Variants in SYTL5 observed in about 807,000 individuals in gnomAD.
The protein encoded by SYTL5 is synaptotagmin like 5.
A neutral mutation model predicts 55.9 loss-of-function variants in SYTL5; 34 were observed. The observed-to-expected ratio is 0.61, with a 90% CI of 0.46 to 0.81. The LOEUF is 0.81. SYTL5 is among the 30% of genes least tolerant of loss of function. SYTL5 has a pLI of 0.00. For missense variants in SYTL5, 637 were observed against 546.7 expected (o/e 1.17, Z -1.65); for synonymous variants, 221 against 188.7 (o/e 1.17, Z -1.40).
upstream of SYTL5, among the ~76,000 whole-genome samples, chrX:38,001,654 G>C (rs1033894924): frequency 1.8e-5 from 2 of 111,411 alleles, no homozygotes; most frequent in Non-Finnish European, 3.8e-5. Context: ...TGGCTTGGTA[G>C]TGCTCCATTG....
chrX:38,004,695 C>T (rs1933948579), upstream of SYTL5, among the ~76,000 whole-genome samples: 1 of 110,980 alleles, frequency 9.0e-6, no homozygotes, highest in Admixed American at 9.6e-5. Context: ...TTTGCATATT[C>T]TCACTTACTT....
At chrX:37,973,181 T>C in the SYTL5 span, among the ~76,000 whole-genome samples, 1 of 111,543 alleles carries the variant, frequency 9.0e-6, no homozygotes, top group Non-Finnish European at 1.9e-5. Context: ...CATAATGTTA[T>C]GCCAGAGTCA....
chrX:37,956,338 A>T, the SYTL5 span, among the ~76,000 whole-genome samples: 2 of 112,206 alleles, frequency 1.8e-5, no homozygotes, highest in African/African-American at 3.2e-5. Context: ...AAATTTTTAA[A>T]TGTACAATGA....
chrX:37,986,080 T>C, the SYTL5 span, among the ~76,000 whole-genome samples: 1 of 111,357 alleles, frequency 9.0e-6, no homozygotes, highest in Non-Finnish European at 1.9e-5. Context: ...AGGAAAAAAA[T>C]CTTCATGACC....
chrX:37,919,349 A>T, the SYTL5 span, among the ~76,000 whole-genome samples: 1 of 111,846 alleles, frequency 8.9e-6, no homozygotes, highest in Non-Finnish European at 1.9e-5. Context: ...AAGGAGTTTG[A>T]CCTCATTTCA....
At chrX:37,978,812 G>A in the SYTL5 span, among the ~76,000 whole-genome samples, 2 of 110,793 alleles carry the variant, frequency 1.8e-5, no homozygotes, top group East Asian at 2.8e-4. Context: ...GTTTTATTTG[G>A]GTCTTTAAGG....
intron 6 of SYTL5, among the ~76,000 whole-genome samples, chrX:38,087,265 A>G (rs1308033220): frequency 8.9e-6 from 1 of 111,906 alleles, no homozygotes; most frequent in African/African-American, 3.3e-5. Flanking sequence ...TAAAGAACCT[A>G]TGGTCACAGT....
chrX:38,111,615 G>A (rs1187166471), intron 13 of SYTL5, among the ~76,000 whole-genome samples: 1 of 112,138 alleles, frequency 8.9e-6, no homozygotes, highest in Admixed American at 9.4e-5. Flanking sequence ...CAGGTTCCAT[G>A]CAGTGTTGCC....
At chrX:37,995,588 C>G in the SYTL5 span, among the ~76,000 whole-genome samples, 11 of 112,045 alleles carry the variant, frequency 9.8e-5, no homozygotes, top group South Asian at 7.6e-4. Context: ...GCAAGCAGGC[C>G]TCTCTCCAGC....
At chrX:37,914,083 CT>C in the SYTL5 span, among the ~76,000 whole-genome samples, 37 of 112,006 alleles carry the variant, frequency 3.3e-4, no homozygotes, top group African/African-American at 1.1e-3. Context: ...ATAATTCCAA[CT>C]ATTGTATGAA....
the SYTL5 span, among the ~76,000 whole-genome samples, chrX:37,924,445 G>C: frequency 9.0e-6 from 1 of 111,537 alleles, no homozygotes; most frequent in African/African-American, 3.2e-5. Context: ...CTGGAAGGTG[G>C]CTTCTCTTTT....
chrX:37,902,120 G>A, the SYTL5 span, among the ~76,000 whole-genome samples: 1 of 112,094 alleles, frequency 8.9e-6, no homozygotes, highest in Non-Finnish European at 1.9e-5. Context: ...CTGCTGCAGT[G>A]TCAAAAGCCC....
chrX:38,081,380 G>T (rs1447156572), intron 6 of SYTL5, among the ~76,000 whole-genome samples: 1 of 111,276 alleles, frequency 9.0e-6, no homozygotes, highest in African/African-American at 3.3e-5. Flanking sequence ...ATTTTGTTAT[G>T]CTGTGACCTT....
the SYTL5 span, among the ~76,000 whole-genome samples, chrX:37,924,852 CTATT>C: frequency 8.9e-6 from 1 of 111,744 alleles, no homozygotes. Context: ...ATCACCTAAA[CTATT>C]TATCTTTTCT....
At chrX:38,088,376 GT>G (rs1936709813) in intron 6 of SYTL5, among the ~76,000 whole-genome samples, 1 of 111,902 alleles carries the variant, frequency 8.9e-6, no homozygotes, top group Non-Finnish European at 1.9e-5. Flanking sequence ...ACTATTATAT[GT>G]GCATTTGTAA....
chrX:38,120,384 T>C lies in SYTL5; in HGVS notation c.1623T>C (p.Leu541=). ...TGGAGTTTGCTCCTGATATTGGCCT[T>C]CAATACAAAGGAGAGCTGACAGTTG... ...PKVEFAPDIG[L]QYKGELTVVL... Residue 541 remains leucine (L), a synonymous_variant, in exon 14 of 17, where the codon CTT becomes CTC. Transcript: ENST00000297875. The C allele has an allele frequency of 1.7e-6, 2 of 1,210,982 alleles. No individual in the cohort carries two copies. The highest frequency in any genetic ancestry group is 2.2e-6 in the Non-Finnish European group (2 of 894,810).
intron 3 of SYTL5, among the ~76,000 whole-genome samples, chrX:38,071,247 A>T (rs1011156141): frequency 2.7e-5 from 3 of 111,589 alleles, no homozygotes; most frequent in African/African-American, 9.8e-5. Context: ...AAAGAAGAGG[A>T]TTATAAGCAT....
rs1326209336 is a variant in SYTL5 at position 38,106,645 on chromosome X, A to T, written c.1208A>T (p.Asn403Ile). The T allele has an allele frequency of 1.7e-6, 2 of 1,208,578 alleles. No homozygotes were observed. The highest frequency in any genetic ancestry group is 3.5e-5 in the African/African-American group (2 of 57,317). Residue 403 changes from asparagine (N) to isoleucine (I), a missense_variant, in exon 11 of 17, where the codon AAC (asparagine) becomes ATC (isoleucine). Asn to Ile is a moderately radical substitution (Grantham distance 149). Transcript: ENST00000297875. ...TACAGTGAAACGGGAGACTATGGCA[A>T]CGTGAAAGTCAGTGGTGAAATCCTT... ...SVYSETGDYG[N>I]VKVSGEILLH...
At chrX:37,983,185 T>C in the SYTL5 span, among the ~76,000 whole-genome samples, 1 of 111,889 alleles carries the variant, frequency 8.9e-6, no homozygotes, top group South Asian at 3.7e-4. Context: ...AATCTAACTA[T>C]ATTAGTAATA....
Sources: gnomAD v4.1 joint callset for allele counts (sites outside exome capture counted in the v4.1 genomes callset) on GRCh38, gnomAD v4.1.1 for gene constraint, MANE v1.5 for transcripts, NCBI Gene and HGNC (gene_info 2026-07-23, HGNC 2026-07-21) for gene names.